Variants in RAI14 observed in about 807,000 individuals in gnomAD.
RAI14 encodes the protein ankycorbin.
In RAI14, 45 loss-of-function variants were observed where a neutral mutation model predicts 115.4. That is an observed-to-expected ratio of 0.39 (90% CI 0.31 to 0.50). The LOEUF (loss-of-function observed/expected upper bound fraction) is 0.50. Ranked by LOEUF, RAI14 falls within the 20% of genes least tolerant of loss-of-function variation. The pLI, the probability that RAI14 is intolerant of heterozygous loss-of-function variation, is 0.85. For missense variants in RAI14, 939 were observed against 1,131.2 expected (o/e 0.83, Z 2.44); for synonymous variants, 371 against 415.4 (o/e 0.89, Z 1.30).
At chr5:34,773,485 G>C (rs932161700) in intron 3 of RAI14, among the ~76,000 whole-genome samples, 1 of 152,072 alleles carries the variant, frequency 6.6e-6, no homozygotes, top group South Asian at 2.1e-4. Flanking sequence ...TCGAATGAGA[G>C]AAAAATATTT....
chr5:34,728,984 G>C (rs993613292), intron 2 of RAI14, among the ~76,000 whole-genome samples: 10 of 152,220 alleles, frequency 6.6e-5, no homozygotes, highest in Middle Eastern at 3.4e-3. Flanking sequence ...TAAAATGTCT[G>C]AATTTTGCTT....
chr5:34,809,248 T>G (rs1418829240), intron 7 of RAI14, among the ~76,000 whole-genome samples: 3 of 152,228 alleles, frequency 2.0e-5, no homozygotes, highest in Admixed American at 6.5e-5. Flanking sequence ...TATTTTCCCA[T>G]CACTCTAGTG....
At chr5:34,830,179 T>C (rs1264996243) in intron 17 of RAI14, among the ~76,000 whole-genome samples, 1 of 152,108 alleles carries the variant, frequency 6.6e-6, no homozygotes, top group African/African-American at 2.4e-5. Context: ...AGATGGGGCT[T>C]TGCCATGTTG....
At chr5:34,824,612 C>A in intron 15 of RAI14, 121 bp downstream of exon 15, 1 of 808,884 alleles carries the variant, frequency 1.2e-6, no homozygotes, top group Non-Finnish European at 1.8e-6. Flanking sequence ...AGGCTCTGCA[C>A]ATGAACTTTA....
intron 2 of RAI14, chr5:34,728,614 C>G (rs2150015371): frequency 6.6e-6 from 1 of 152,176 alleles, no homozygotes; most frequent in East Asian, 1.9e-4. Context: ...TTTGCTCTTC[C>G]TTTGTCTTCT....
At chr5:34,704,376 G>A (rs1247996981) in intron 2 of RAI14, among the ~76,000 whole-genome samples, 1 of 152,184 alleles carries the variant, frequency 6.6e-6, no homozygotes, top group Admixed American at 6.5e-5. Flanking sequence ...CCTCCAGATA[G>A]TCAGTATCCT....
chr5:34,767,838 T>G (rs1749617960), intron 3 of RAI14, among the ~76,000 whole-genome samples: 1 of 151,876 alleles, frequency 6.6e-6, no homozygotes, highest in African/African-American at 2.4e-5. Flanking sequence ...AAGAAAGGAA[T>G]TGTTTCTTAT....
intron 3 of RAI14, among the ~76,000 whole-genome samples, chr5:34,771,822 C>T (rs369038966): frequency 6.6e-6 from 1 of 152,128 alleles, no homozygotes. Context: ...TTGCCAAATA[C>T]TTCCAGATTT....
At chr5:34,764,924 G>A (rs1216118068) in intron 3 of RAI14, among the ~76,000 whole-genome samples, 1 of 152,186 alleles carries the variant, frequency 6.6e-6, no homozygotes, top group East Asian at 1.9e-4. Flanking sequence ...TTGTGGGAGG[G>A]ACCTGGTGGG....
At chr5:34,746,435 C>T (rs557234729) in intron 2 of RAI14, among the ~76,000 whole-genome samples, 18 of 147,526 alleles carry the variant, frequency 1.2e-4, no homozygotes, top group African/African-American at 3.5e-4. Context: ...GACAGACTCT[C>T]GCTCTGTAGC....
chr5:34,801,119 G>A (rs1215869670), intron 4 of RAI14, among the ~76,000 whole-genome samples: 1 of 152,124 alleles, frequency 6.6e-6, no homozygotes, highest in African/African-American at 2.4e-5. Flanking sequence ...GGAGGAGGAG[G>A]AAGAGAAAAT....
At chr5:34,665,155 GTGTGTA>G in intron 1 of RAI14, among the ~76,000 whole-genome samples, 1 of 19,214 alleles carries the variant, frequency 5.2e-5, no homozygotes, top group East Asian at 1.1e-3. Flanking sequence ...ATATATATGT[GTGTGTA>G]TATATATATA....
At chr5:34,739,831 G>A (rs1745280198) in intron 2 of RAI14, among the ~76,000 whole-genome samples, 1 of 152,168 alleles carries the variant, frequency 6.6e-6, no homozygotes, top group Non-Finnish European at 1.5e-5. Context: ...GGAGGCCGAG[G>A]CGGGCGGATC....
In RAI14 at chr5:34,823,814, G is replaced by A. The variant is rs750256832; in HGVS notation, c.1972G>A (p.Glu658Lys). 3 of 1,614,108 alleles carry A rather than the reference G, an allele frequency of 1.9e-6. No homozygotes were observed. The South Asian group carries it at 3.3e-5, about 18-fold the overall frequency. Residue 658 changes from glutamate to lysine, a missense_variant, in exon 15 of 18, where the codon GAG becomes AAG. Glu to Lys is a moderately conservative substitution (Grantham distance 56). Coordinates refer to ENST00000265109, the MANE Select transcript of RAI14 (RefSeq NM_015577.3). The surrounding 1 kb of genome is among the most constrained non-coding windows in gnomAD (Gnocchi z 4.5). Reference protein sequence around the residue: ...LSQLYKEAQAELEDYRKRKSL... With the variant: ...LSQLYKEAQAKLEDYRKRKSL... ...ACAGCTGTACAAAGAAGCCCAGGCT[G>A]AGCTGGAGGATTACAGGAAGAGGAA...
At chr5:34,732,073 G>T (rs543366285) in intron 2 of RAI14, among the ~76,000 whole-genome samples, 5 of 152,334 alleles carry the variant, frequency 3.3e-5, no homozygotes, top group African/African-American at 1.2e-4. Flanking sequence ...GGCCCCTGGA[G>T]TTGGGGTGGT....
chr5:34,764,872 C>T (rs999238348), intron 3 of RAI14, among the ~76,000 whole-genome samples: 2 of 152,102 alleles, frequency 1.3e-5, no homozygotes, highest in African/African-American at 4.8e-5. Context: ...TGTGTCCCCA[C>T]CCAAATCTCA....
At chr5:34,803,568 AAAC>A in intron 4 of RAI14, 141 bp from the exon 5 acceptor site, 1 of 688,832 alleles carries the variant, frequency 1.5e-6, no homozygotes, top group Non-Finnish European at 2.3e-6. Flanking sequence ...AAAAACAAAA[AAAC>A]AAACAAACAA....
At chr5:34,757,711 T>C in intron 3 of RAI14, 113 bp downstream of exon 3, 2 of 1,315,446 alleles carry the variant, frequency 1.5e-6, no homozygotes, top group South Asian at 3.3e-5. Flanking sequence ...CACTCCCATG[T>C]TGAAATATGT....
At chr5:34,762,921 GTGTGTGCA>G (rs1748840617) in intron 3 of RAI14, among the ~76,000 whole-genome samples, 2 of 131,716 alleles carry the variant, frequency 1.5e-5, no homozygotes, top group African/African-American at 5.5e-5. Flanking sequence ...GATATAAGGA[GTGTGTGCA>G]TGTGTGTGTG....
Sources: allele counts gnomAD v4.1 joint callset (sites outside exome capture counted in the v4.1 genomes callset), GRCh38; gene constraint gnomAD v4.1.1; non-coding constraint Gnocchi (gnomAD v3.1); transcripts MANE v1.5; gene names NCBI Gene and HGNC (gene_info 2026-07-23, HGNC 2026-07-21).